PHLPP1: variants seen among roughly 807,000 people sequenced by gnomAD.
The protein encoded by PHLPP1 is PH domain and leucine rich repeat protein phosphatase 1.
A neutral mutation model predicts 117.2 loss-of-function variants in PHLPP1; 42 were observed. That is an observed-to-expected ratio of 0.36 (90% CI 0.28 to 0.46). PHLPP1 has a LOEUF of 0.46. PHLPP1 is among the 20% of genes least tolerant of loss of function. PHLPP1 has a pLI of 1.00. For synonymous variants in PHLPP1, 1,042 were observed against 970.7 expected (o/e 1.07, Z -1.37); for missense variants, 2,084 against 2,241.9 (o/e 0.93, Z 1.42).
chr18:62,937,779 A>G (rs960558308), intron 10 of PHLPP1, among the ~76,000 whole-genome samples: 4 of 152,206 alleles, frequency 2.6e-5, no homozygotes, highest in African/African-American at 9.6e-5. Context: ...TGGGAGGCCT[A>G]GGCAGGTGGG....
At position 62,934,862 on chromosome 18, in the gene PHLPP1, A is replaced by G. The variant is rs904041668; in HGVS notation, c.2961-6856A>G. 2.0e-5 allele frequency among the ~76,000 whole-genome samples: 3 copies of G among 152,166 alleles called. 1 individual carries two copies. The highest frequency in any genetic ancestry group is 2.0e-4 in the Admixed American group (3 of 15,270). The stretch of plus-strand genomic sequence containing the variant: ...TTAATAAAAAAATAAGGAAAATAGT[A>G]CCTCAGGTATGGAGGGATACTTCTT... On this transcript the variant is annotated intron_variant, in intron 10 of 16. Transcript: ENST00000262719.
chr18:62,830,322 C>G, intron 2 of PHLPP1, 91 bp downstream of exon 2: 1 of 1,002,500 alleles, frequency 1.0e-6, no homozygotes, highest in Non-Finnish European at 1.5e-6. Context: ...CTCACTGCAA[C>G]CTCTGCCTCC....
intron 3 of PHLPP1, among the ~76,000 whole-genome samples, chr18:62,854,968 A>T (rs1464215347): frequency 6.6e-6 from 1 of 152,106 alleles, no homozygotes; most frequent in Non-Finnish European, 1.5e-5. Flanking sequence ...TAGTGTTGGG[A>T]TTACAGGCAT....
intron 1 of PHLPP1, among the ~76,000 whole-genome samples, chr18:62,810,659 T>C (rs558981110): frequency 3.3e-5 from 5 of 152,324 alleles, no homozygotes; most frequent in African/African-American, 9.6e-5. Flanking sequence ...ACCATTCATA[T>C]GTTCTGACTC....
At chr18:62,783,662 G>T (rs572359201) in intron 1 of PHLPP1, among the ~76,000 whole-genome samples, 2 of 148,092 alleles carry the variant, frequency 1.4e-5, no homozygotes, top group Non-Finnish European at 3.0e-5. Context: ...TTGAAGAAAA[G>T]CTTTTCTTTT....
intron 1 of PHLPP1, among the ~76,000 whole-genome samples, chr18:62,817,030 T>G (rs945114179): frequency 6.6e-6 from 1 of 152,146 alleles, no homozygotes; most frequent in Non-Finnish European, 1.5e-5. Context: ...CAGCCTCACC[T>G]TCCTGGGCTC....
intron 4 of PHLPP1, among the ~76,000 whole-genome samples, chr18:62,880,557 G>GT (rs1352262319): frequency 2.0e-5 from 3 of 151,760 alleles, no homozygotes; most frequent in Admixed American, 6.6e-5. Context: ...TAGTGTGGCG[G>GT]TTAATATTAA....
In PHLPP1 at chr18:62,716,196, C is replaced by G; in HGVS notation, c.513C>G (p.Ser171Arg). The change falls in exon 1 of 17, where the codon AGC (serine) becomes AGG (arginine). Residue 171 changes from serine (S) to arginine (R), a missense_variant. Around this residue, in one of 2 missense-constraint regions of PHLPP1, gnomAD observed 719 missense variants for 636.0 expected, o/e 1.13. Transcript: ENST00000262719. The surrounding 1 kb of genome is among the most constrained non-coding windows in gnomAD (Gnocchi z 5.7). ...CSASASLCTR[S>R]LDRKTLLLKH... is the part of the protein sequence containing the mutation. ...CCTCGGCGTCGCTGTGCACCCGGAG[C>G]CTGGACAGGAAGACGCTGCTTCTGA... 1 of 1,521,588 alleles carries G rather than the reference C, an allele frequency of 6.6e-7. No homozygotes were observed. The highest frequency in any genetic ancestry group is 2.5e-5 in the East Asian group (1 of 39,382). The allele number at this position is 1,521,588 out of a possible 1,614,324, so 94.3% of individuals were successfully genotyped here. A position where few individuals can be genotyped will look rare whatever the true frequency, so the allele number is the denominator to read the frequency against.
chr18:62,761,446 C>T (rs1342967178), intron 1 of PHLPP1, among the ~76,000 whole-genome samples: 1 of 151,748 alleles, frequency 6.6e-6, no homozygotes. Context: ...TCCTGGCTAA[C>T]ACGGTGAAAC....
chr18:62,817,979 C>T (rs572458393), intron 1 of PHLPP1, among the ~76,000 whole-genome samples: 1 of 151,394 alleles, frequency 6.6e-6, no homozygotes, highest in East Asian at 2.0e-4. Context: ...CTCAGCCTCC[C>T]GAGTAGCTGG....
intron 1 of PHLPP1, among the ~76,000 whole-genome samples, chr18:62,729,835 A>C (rs568405754): frequency 6.6e-6 from 1 of 152,388 alleles, no homozygotes; most frequent in African/African-American, 2.4e-5. Context: ...GTATCCTGCT[A>C]CCTAATGTTC....
At chr18:62,850,102 A>G (rs923414073) in intron 3 of PHLPP1, among the ~76,000 whole-genome samples, 16 of 150,508 alleles carry the variant, frequency 1.1e-4, no homozygotes, top group Admixed American at 6.0e-4. Flanking sequence ...ATTTAGAAAC[A>G]AAACAGGCCG....
intron 1 of PHLPP1, among the ~76,000 whole-genome samples, chr18:62,774,217 A>G (rs12958139): frequency 0.067 from 10,251 of 152,212 alleles, 394 homozygotes; most frequent in Middle Eastern, 0.088. Context: ...GTGGTCCCGG[A>G]CAGTTTTTTT....
chr18:62,893,862 A>G (rs1288887345), intron 4 of PHLPP1, among the ~76,000 whole-genome samples: 1 of 152,200 alleles, frequency 6.6e-6, no homozygotes, highest in Non-Finnish European at 1.5e-5. Context: ...TGAAAGGGCT[A>G]TTAACAAAAA....
chr18:62,717,725 G>A (rs1289014907), intron 1 of PHLPP1, among the ~76,000 whole-genome samples: 1 of 152,018 alleles, frequency 6.6e-6, no homozygotes, highest in East Asian at 1.9e-4. Context: ...ATGTGCCACC[G>A]GGAGCTCCTG....
intron 10 of PHLPP1, among the ~76,000 whole-genome samples, chr18:62,933,433 C>T (rs1277640304): frequency 1.3e-5 from 2 of 151,996 alleles, no homozygotes; most frequent in Non-Finnish European, 2.9e-5. Flanking sequence ...ATCAAAGGAA[C>T]AAAATAGAGA....
chr18:62,821,408 G>A (rs192916128), intron 1 of PHLPP1, among the ~76,000 whole-genome samples: 76 of 152,042 alleles, frequency 5.0e-4, no homozygotes, highest in Non-Finnish European at 1.0e-3. Flanking sequence ...AGTCAGCTGG[G>A]CATAATGGCA....
Position 62,919,938 on chromosome 18 carries a change from CT to C in PHLPP1, c.2805-17del. 1 of 1,551,920 alleles carries C rather than the reference CT, an allele frequency of 6.4e-7. No individual in the cohort carries two copies. Among genetic ancestry groups the C allele is most frequent in the Non-Finnish European group, 8.7e-7 (1 of 1,146,692 alleles). On this transcript the variant is annotated intron_variant, in intron 9 of 16. Transcript: ENST00000262719. ...TCTTTACTCTTTTTCATTTTTTGGTCTTTTGTCCCTTTTTATACAGCTTATT... is the reference window on the plus strand; with the variant it reads ...TCTTTACTCTTTTTCATTTTTTGGTCTTTGTCCCTTTTTATACAGCTTATT...
chr18:62,766,076 A>AAATATATAT, intron 1 of PHLPP1, among the ~76,000 whole-genome samples: 27 of 21,656 alleles, frequency 1.2e-3, no homozygotes, highest in East Asian at 3.3e-3. Context: ...AAAAAAAAAA[A>AAATATATAT]ATATATATAT....
Sources: allele counts gnomAD v4.1 joint callset (sites outside exome capture counted in the v4.1 genomes callset), GRCh38; gene constraint gnomAD v4.1.1; regional missense constraint gnomAD v4.1.1; non-coding constraint Gnocchi (gnomAD v3.1); transcripts MANE v1.5; gene names NCBI Gene and HGNC (gene_info 2026-07-23, HGNC 2026-07-21).